The following CTNNA2 variants were observed in gnomAD, a reference collection of about 807,000 sequenced individuals.
The protein encoded by CTNNA2 is catenin alpha-2.
CTNNA2 carries 42 observed loss-of-function variants against 101.0 expected under a neutral mutation model. The observed-to-expected ratio is 0.42, with a 90% CI of 0.32 to 0.54. CTNNA2 has a LOEUF of 0.54. Among genes scored for constraint, CTNNA2 ranks in the 20% least tolerant of loss-of-function variants. CTNNA2 has a pLI of 0.14. For synonymous variants in CTNNA2, 450 were observed against 456.4 expected, an observed-to-expected ratio of 0.99 and a Z score of 0.18; for missense variants, 871 against 1,223.1, an observed-to-expected ratio of 0.71 and a Z score of 4.29.
chr2:79,785,556 C>T (rs1674774097), intron 3 of CTNNA2, among the ~76,000 whole-genome samples: 1 of 149,732 alleles, frequency 6.7e-6, no homozygotes, highest in South Asian at 2.1e-4. Flanking sequence ...TGCTTTTTTT[C>T]CCCACAGGAA....
chr2:79,207,717 C>A (rs1390498607), intron 2 of CTNNA2, among the ~76,000 whole-genome samples: 1 of 152,092 alleles, frequency 6.6e-6, no homozygotes. Context: ...GAAATGGATC[C>A]AATCTGAGAC....
chr2:79,456,939 C>T (rs1364702731), intron 4 of CTNNA2, among the ~76,000 whole-genome samples: 1 of 152,104 alleles, frequency 6.6e-6, no homozygotes, highest in East Asian at 1.9e-4. Flanking sequence ...TGGTGGCTCA[C>T]GCCTGTAATC....
At chr2:79,222,255 A>G (rs985617678) in intron 2 of CTNNA2, among the ~76,000 whole-genome samples, 1 of 152,218 alleles carries the variant, frequency 6.6e-6, no homozygotes, top group Admixed American at 6.5e-5. Flanking sequence ...TAGCCATGAA[A>G]TGTGTGTTGT....
At chr2:79,771,966 C>A (rs540723263) in intron 3 of CTNNA2, among the ~76,000 whole-genome samples, 1 of 152,150 alleles carries the variant, frequency 6.6e-6, no homozygotes. Context: ...ATGTTTTGTG[C>A]TAAAATGAGC....
intron 2 of CTNNA2, among the ~76,000 whole-genome samples, chr2:79,211,840 T>A (rs370299123): frequency 1.3e-5 from 2 of 152,080 alleles, no homozygotes; most frequent in African/African-American, 4.8e-5. Context: ...GGGGATGGTA[T>A]GGAGAGATAG....
At chr2:80,631,375 T>TG (rs1483528243) in intron 18 of CTNNA2, among the ~76,000 whole-genome samples, 4 of 151,954 alleles carry the variant, frequency 2.6e-5, no homozygotes, top group African/African-American at 9.7e-5. Flanking sequence ...TTTTTTTTTT[T>TG]TTTTTAGCAA....
chr2:80,452,333 A>G (rs143005430), intron 9 of CTNNA2, among the ~76,000 whole-genome samples: 1 of 151,766 alleles, frequency 6.6e-6, no homozygotes, highest in Non-Finnish European at 1.5e-5. Context: ...TTTGACAGGC[A>G]TTGTGCTAGG....
At chr2:79,613,955 A>G (rs1189742553) in intron 1 of CTNNA2, among the ~76,000 whole-genome samples, 2 of 152,230 alleles carry the variant, frequency 1.3e-5, no homozygotes, top group Non-Finnish European at 2.9e-5. Flanking sequence ...AACTTGCCGT[A>G]GGTCAGTGAG....
At chr2:79,891,589 C>T (rs1423938696) in intron 6 of CTNNA2, among the ~76,000 whole-genome samples, 3 of 152,106 alleles carry the variant, frequency 2.0e-5, no homozygotes, top group Non-Finnish European at 2.9e-5. Flanking sequence ...TTATCTGCCA[C>T]CAACCCCCAG....
chr2:80,284,771 C>G (rs1674628372), intron 7 of CTNNA2, among the ~76,000 whole-genome samples: 1 of 152,132 alleles, frequency 6.6e-6, no homozygotes, highest in African/African-American at 2.4e-5. Context: ...ACATTCCTGT[C>G]TCTATCCCAC....
intron 3 of CTNNA2, among the ~76,000 whole-genome samples, chr2:79,361,785 A>T (rs553530022): frequency 6.6e-6 from 1 of 152,322 alleles, no homozygotes; most frequent in Admixed American, 6.5e-5. Flanking sequence ...GGAAGCATCC[A>T]GCATGGGAGA....
chr2:80,273,276 C>T lies in CTNNA2; in HGVS notation c.1057-119935C>T, dbSNP rs561751604. Among the ~76,000 whole-genome samples, 5 of 152,266 alleles carry T rather than the reference C, an allele frequency of 3.3e-5. No homozygotes were observed. The South Asian group carries it at 1.0e-3, about 32-fold the overall frequency. Reference sequence around the variant, plus strand: ...AAAATCATGGAATCGATTTTTCTTACATTCCAAATCCAATCCAACAATAAG... The same window carrying T: ...AAAATCATGGAATCGATTTTTCTTATATTCCAAATCCAATCCAACAATAAG... On this transcript the variant is annotated intron_variant, in intron 7 of 18. Coordinates refer to ENST00000402739, the MANE Select transcript of CTNNA2 (RefSeq NM_001282597.3).
chr2:79,783,750 A>G (rs995525659), intron 3 of CTNNA2, among the ~76,000 whole-genome samples: 1 of 152,152 alleles, frequency 6.6e-6, no homozygotes, highest in Non-Finnish European at 1.5e-5. Context: ...ACACACATAC[A>G]TGCTTATCTC....
intron 8 of CTNNA2, among the ~76,000 whole-genome samples, chr2:80,410,168 A>G (rs1289931209): frequency 6.6e-6 from 1 of 152,222 alleles, no homozygotes; most frequent in African/African-American, 2.4e-5. Context: ...ATGTGGCTCA[A>G]TGTACAGCAT....
At chr2:79,498,842 C>G (rs1671287123) in intron 4 of CTNNA2, 2 of 152,152 alleles carry the variant, frequency 1.3e-5, no homozygotes, top group South Asian at 4.1e-4. Context: ...GCATTCCTTT[C>G]CCTATCAAAC....
At chr2:79,821,542 A>G (rs1192142740) in intron 3 of CTNNA2, among the ~76,000 whole-genome samples, 1 of 152,198 alleles carries the variant, frequency 6.6e-6, no homozygotes, top group African/African-American at 2.4e-5. Flanking sequence ...ACTACCAAAA[A>G]CTGAGAAGAA....
chr2:80,546,122 A>G lies in CTNNA2; in HGVS notation c.1540+59A>G, dbSNP rs3821065. ...CTGGAGGAGGGTAACTGAACGAGATAAGGAATGTCTCGCAAATGTCATGGA... is the reference window on the plus strand; with the variant it reads ...CTGGAGGAGGGTAACTGAACGAGATGAGGAATGTCTCGCAAATGTCATGGA... On this transcript the variant is annotated intron_variant, in intron 11 of 18. Transcript: ENST00000402739. The G allele has an allele frequency of 1.7e-5, 27 of 1,587,116 alleles. No homozygotes were observed. In the East Asian group the frequency reaches 2.9e-4, roughly 17 times the overall value.
At chr2:80,498,594 T>C (rs11682233) in intron 9 of CTNNA2, among the ~76,000 whole-genome samples, 147,228 of 152,296 alleles carry the variant, frequency 0.97, 71,220 homozygotes, top group East Asian at 1. Flanking sequence ...GAAGAAAAGA[T>C]CATCCAGTAA....
intron 7 of CTNNA2, among the ~76,000 whole-genome samples, chr2:80,158,497 A>G (rs547196406): frequency 5.9e-5 from 9 of 152,328 alleles, no homozygotes; most frequent in Middle Eastern, 3.4e-3. Flanking sequence ...GTCTATCACT[A>G]CAAGTATCAC....
Sources: gnomAD v4.1 joint callset for allele counts (sites outside exome capture counted in the v4.1 genomes callset) on GRCh38, gnomAD v4.1.1 for gene constraint, MANE v1.5 for transcripts, NCBI Gene and HGNC (gene_info 2026-07-23, HGNC 2026-07-21) for gene names.